Variants in ATP6V1C1 observed in about 807,000 individuals in gnomAD.
The protein encoded by ATP6V1C1 is V-type proton ATPase subunit C 1.
A neutral mutation model predicts 53.9 loss-of-function variants in ATP6V1C1; 45 were observed. That is an observed-to-expected ratio of 0.83 (90% confidence interval 0.66 to 1.07). The LOEUF is 1.07. Among genes scored for constraint, ATP6V1C1 ranks in the 50% least tolerant of loss-of-function variants. The pLI is 0.00. For missense variants in ATP6V1C1, 315 were observed against 440.3 expected (o/e 0.72, Z 2.55); for synonymous variants, 153 against 155.2 (o/e 0.99, Z 0.11).
chr8:103,027,851 C>T (rs1816725501), intron 1 of ATP6V1C1, among the ~76,000 whole-genome samples: 1 of 152,074 alleles, frequency 6.6e-6, no homozygotes, highest in Admixed American at 6.6e-5. Context: ...ACCCTCCCTG[C>T]ACACACACAG....
chr8:103,063,315 T>C, intron 10 of ATP6V1C1, 87 bp downstream of exon 10: 1 of 893,726 alleles, frequency 1.1e-6, no homozygotes, highest in Non-Finnish European at 1.7e-6. Context: ...AAAGTAAAAA[T>C]CTGCTTTGGT....
At chr8:103,024,808 T>C (rs1816666310) in intron 1 of ATP6V1C1, among the ~76,000 whole-genome samples, 1 of 152,218 alleles carries the variant, frequency 6.6e-6, no homozygotes, top group South Asian at 2.1e-4. Context: ...ACTATATTCT[T>C]GATGCTGAAA....
In ATP6V1C1 at chr8:103,070,889, A is replaced by C. The variant is rs1439130071; in HGVS notation, c.*2142A>C. 14 of 152,288 alleles carry C rather than the reference A, an allele frequency of 9.2e-5. No individual in the cohort carries two copies. The highest frequency in any genetic ancestry group is 2.9e-4 in the African/African-American group (12 of 41,522). 9.4% of individuals were successfully genotyped at this position (152,288 alleles called of 1,614,324 possible). On this transcript the variant is annotated 3_prime_UTR_variant, in exon 13 of 13. Transcript: ENST00000518738. ...GTCCCTCCTCTGTAAAATGGGCATG[A>C]TTAGAGTGCCCACCGCATTAGGGAT...
intron 1 of ATP6V1C1, among the ~76,000 whole-genome samples, chr8:103,033,077 A>G (rs937585495): frequency 3.3e-5 from 5 of 152,230 alleles, no homozygotes; most frequent in Non-Finnish European, 7.3e-5. Context: ...GCCAGGTACA[A>G]AAGAGTATCT....
rs1201517203 is a variant in ATP6V1C1 at position 103,052,809 on chromosome 8, G to C, written c.460G>C (p.Glu154Gln). 1 of 1,592,770 alleles carries C rather than the reference G, an allele frequency of 6.3e-7. No individual in the cohort carries two copies. Among genetic ancestry groups the C allele is most frequent in the Non-Finnish European group, 8.5e-7 (1 of 1,169,944 alleles). ...CCTGAAAGGAAATCTTCAGAATTTG[G>C]AACGAAAGAATGCGTAAGCAGATCA... ...NNLKGNLQNL[E>Q]RKNAGSLLTR... The change falls in exon 6 of 13, where the codon GAA becomes CAA. Residue 154 changes from glutamate to glutamine, a missense_variant. Coordinates refer to ENST00000518738, the MANE Select transcript of ATP6V1C1 (RefSeq NM_001695.5).
rs3758093 is a variant in ATP6V1C1, at chr8:103,068,802, A to G, written c.*55A>G. ...CTTGTGTTTGTGTGTGCTAACAGAA[A>G]TAAGTTGCAGTATGGTCGTACTTTT... is the stretch of plus-strand genomic sequence containing the variant. On this transcript the variant is annotated 3_prime_UTR_variant, in exon 13 of 13. Transcript: ENST00000518738. 991 of 1,485,852 alleles carry G rather than the reference A, an allele frequency of 6.7e-4. 16 individuals carry two copies. In the East Asian group the frequency reaches 0.023, roughly 34 times the overall value. 92.0% of individuals were successfully genotyped at this position (1,485,852 alleles called of 1,614,324 possible).
intron 3 of ATP6V1C1, among the ~76,000 whole-genome samples, chr8:103,045,153 A>T (rs1817072138): frequency 6.6e-6 from 1 of 152,210 alleles, no homozygotes; most frequent in Admixed American, 6.5e-5. Flanking sequence ...TTGAAGCTTT[A>T]AGGGAATAAT....
intron 6 of ATP6V1C1, 108 bp from the exon 7 acceptor site, chr8:103,053,776 C>T (rs1041366123): frequency 4.1e-6 from 3 of 728,494 alleles, no homozygotes; most frequent in Non-Finnish European, 6.8e-6. Context: ...AAGACTAATC[C>T]CTCTCAATGT....
intron 1 of ATP6V1C1, among the ~76,000 whole-genome samples, chr8:103,027,039 A>G (rs1462502115): frequency 2.0e-5 from 3 of 152,168 alleles, no homozygotes; most frequent in Admixed American, 1.3e-4. Flanking sequence ...TTTTATATGT[A>G]TGGTGTTAGT....
intron 1 of ATP6V1C1, among the ~76,000 whole-genome samples, chr8:103,027,480 C>T (rs181026918): frequency 2.6e-5 from 4 of 152,200 alleles, no homozygotes; most frequent in Non-Finnish European, 5.9e-5. Flanking sequence ...CTTGTTCAGG[C>T]TTATAACCAA....
chr8:103,042,285 G>T (rs901496768), intron 2 of ATP6V1C1, 55 bp from the exon 3 acceptor site: 33 of 1,132,814 alleles, frequency 2.9e-5, no homozygotes, highest in East Asian at 2.7e-4. Context: ...GAATCATCTT[G>T]TTTTTTTTTT....
intron 1 of ATP6V1C1, among the ~76,000 whole-genome samples, chr8:103,023,963 A>G (rs1586304033): frequency 6.6e-6 from 1 of 152,292 alleles, no homozygotes; most frequent in South Asian, 2.1e-4. Flanking sequence ...TTTCTAGTAG[A>G]ACAGCTTCAA....
chr8:103,069,719 C>T lies in ATP6V1C1; in HGVS notation c.*972C>T, dbSNP rs1363684594. 6.6e-6 allele frequency: 1 copy of T among 152,066 alleles called. No individual in the cohort carries two copies. The highest frequency in any genetic ancestry group is 1.5e-5 in the Non-Finnish European group (1 of 68,010). 9.4% of individuals were successfully genotyped at this position (152,066 alleles called of 1,614,324 possible). On this transcript the variant is annotated 3_prime_UTR_variant, in exon 13 of 13. Coordinates refer to ENST00000518738, the MANE Select transcript of ATP6V1C1 (RefSeq NM_001695.5). ...AGAAATGAATGACTTAATTTAGTGT[C>T]CTGAAAGAGCTTTTAAAAGAGGATT...
At chr8:103,037,498 C>T (rs746666061) in intron 1 of ATP6V1C1, among the ~76,000 whole-genome samples, 2 of 152,088 alleles carry the variant, frequency 1.3e-5, no homozygotes, top group Admixed American at 6.5e-5. Flanking sequence ...ATGTATTATA[C>T]TTGGTCATAA....
At chr8:103,062,278 C>T (rs1817416268) in intron 8 of ATP6V1C1, among the ~76,000 whole-genome samples, 1 of 148,622 alleles carries the variant, frequency 6.7e-6, no homozygotes, top group African/African-American at 2.5e-5. Context: ...TCCAGTGATC[C>T]TCCCACCTCA....
Position 103,053,969 on chromosome 8 carries a change from G to C in ATP6V1C1, c.559G>C (p.Val187Leu). Residue 187 changes from valine to leucine, a missense_variant, in exon 7 of 13, where the codon GTA becomes CTA. Val to Leu is a conservative substitution (Grantham distance 32). Coordinates refer to ENST00000518738, the MANE Select transcript of ATP6V1C1 (RefSeq NM_001695.5). ...LDSEYLVTLL[V>L]VVPKLNHNDW... ...TTCAGAGTATCTCGTCACATTACTG[G>C]TAGTAGTTCCCAAGTAAGTCTTTCT... The C allele has an allele frequency of 1.9e-6, 3 of 1,606,390 alleles. No individual in the cohort carries two copies. The highest frequency in any genetic ancestry group is 2.6e-6 in the Non-Finnish European group (3 of 1,176,042).
intron 1 of ATP6V1C1, among the ~76,000 whole-genome samples, chr8:103,029,081 A>G (rs755187231): frequency 5.9e-5 from 9 of 152,118 alleles, no homozygotes; most frequent in South Asian, 4.1e-4. Context: ...CACTCCCAAG[A>G]GATAATTGTT....
At chr8:103,025,816 G>T (rs191996780) in intron 1 of ATP6V1C1, among the ~76,000 whole-genome samples, 4 of 152,348 alleles carry the variant, frequency 2.6e-5, no homozygotes, top group East Asian at 3.9e-4. Context: ...AGTGATAGTT[G>T]TTACCAGTAA....
At chr8:103,038,756 G>T (rs905669357) in intron 1 of ATP6V1C1, among the ~76,000 whole-genome samples, 1 of 152,192 alleles carries the variant, frequency 6.6e-6, no homozygotes, top group Non-Finnish European at 1.5e-5. Context: ...TAGCCTTAAA[G>T]TTCAATATTT....
Sources: allele counts gnomAD v4.1 joint callset (sites outside exome capture counted in the v4.1 genomes callset), GRCh38; gene constraint gnomAD v4.1.1; transcripts MANE v1.5; gene names NCBI Gene and HGNC (gene_info 2026-07-23, HGNC 2026-07-21).